INSL6: variants seen among roughly 807,000 people sequenced by gnomAD.
INSL6 encodes the protein insulin like 6, also known as insulin-like peptide INSL6.
In INSL6, 16 loss-of-function variants were observed where a neutral mutation model predicts 9.4. That is an observed-to-expected ratio of 1.70 (90% CI 1.15 to 2.59). INSL6 has a LOEUF of 2.59. Among genes scored for constraint, INSL6 ranks in the 30% most tolerant of loss-of-function variants. INSL6 has a pLI of 0.00. For synonymous variants in INSL6, 154 were observed against 96.9 expected (o/e 1.59, Z -3.46); for missense variants, 391 against 257.3 (o/e 1.52, Z -3.56).
chr9:5,178,298 C>T (rs76277440), intron 1 of INSL6, among the ~76,000 whole-genome samples: 11,873 of 152,166 alleles, frequency 0.078, 1,549 homozygotes, highest in African/African-American at 0.27. Flanking sequence ...GACTGAGCTC[C>T]TAGGGAGGAG....
the INSL6 span, chr9:5,085,516 C>T: frequency 4.2e-6 from 3 of 718,002 alleles, no homozygotes; most frequent in Admixed American, 1.8e-5. Context: ...AAGAAATTCA[C>T]CACACACCAA....
At chr9:5,063,231 T>C in the INSL6 span, among the ~76,000 whole-genome samples, 1 of 152,230 alleles carries the variant, frequency 6.6e-6, no homozygotes, top group African/African-American at 2.4e-5. Flanking sequence ...GAGTTAATTA[T>C]TGCTTTATGA....
chr9:5,058,900 A>G, the INSL6 span, among the ~76,000 whole-genome samples: 3 of 152,270 alleles, frequency 2.0e-5, no homozygotes, highest in Admixed American at 6.5e-5. Flanking sequence ...TTGCTGAATT[A>G]TAGAAATTAT....
the INSL6 span, among the ~76,000 whole-genome samples, chr9:5,066,262 A>G: frequency 2.0e-5 from 3 of 152,140 alleles, no homozygotes; most frequent in Non-Finnish European, 2.9e-5. Context: ...GAATAATAAA[A>G]TCATGCATTC....
the INSL6 span, chr9:5,090,350 C>T: frequency 1.1e-6 from 1 of 894,832 alleles, no homozygotes; most frequent in Non-Finnish European, 1.6e-6. Context: ...TCTTAGATTT[C>T]ATATATGTTT....
chr9:5,093,291 A>C, the INSL6 span, among the ~76,000 whole-genome samples: 1 of 152,194 alleles, frequency 6.6e-6, no homozygotes, highest in African/African-American at 2.4e-5. Flanking sequence ...GTTTACCAAA[A>C]ACATCACCTC....
the INSL6 span, among the ~76,000 whole-genome samples, chr9:5,079,515 C>A: frequency 4.6e-5 from 7 of 150,968 alleles, no homozygotes; most frequent in African/African-American, 1.5e-4. Context: ...TTTTTATCTG[C>A]AAGTGGGAAT....
chr9:5,136,909 C>T (rs1824395985), intron 2 of INSL6, among the ~76,000 whole-genome samples: 1 of 152,194 alleles, frequency 6.6e-6, no homozygotes, highest in African/African-American at 2.4e-5. Context: ...AGCTGATAAG[C>T]AACTTGAGCG....
chr9:5,110,734 C>G, the INSL6 span: 3 of 363,074 alleles, frequency 8.3e-6, no homozygotes, highest in South Asian at 2.2e-5. Context: ...CTATAGTACC[C>G]GTGTTATTTT....
the INSL6 span, chr9:5,112,652 C>G: frequency 1.0e-6 from 1 of 984,176 alleles, no homozygotes; most frequent in Non-Finnish European, 1.4e-6. Context: ...CCAGACCAAA[C>G]TCCTTATCCT....
chr9:5,162,830 C>T (rs1824955691), downstream of INSL6, among the ~76,000 whole-genome samples: 1 of 152,150 alleles, frequency 6.6e-6, no homozygotes, highest in African/African-American at 2.4e-5. Flanking sequence ...TTATAGTATA[C>T]ATTTCAGAAA....
chr9:5,108,979 G>A, the INSL6 span: 4 of 152,158 alleles, frequency 2.6e-5, no homozygotes, highest in Middle Eastern at 3.4e-3. Flanking sequence ...TCCTCCCACT[G>A]ATATAGCCTC....
chr9:4,999,493 T>G, the INSL6 span, among the ~76,000 whole-genome samples: 1,223 of 152,310 alleles, frequency 8.0e-3, 8 homozygotes, highest in Non-Finnish European at 0.012. Context: ...TGACAGAACT[T>G]GCTTAACATA....
intron 2 of INSL6, among the ~76,000 whole-genome samples, chr9:5,136,414 T>C (rs1292561705): frequency 6.6e-6 from 1 of 152,168 alleles, no homozygotes; most frequent in East Asian, 1.9e-4. Context: ...TCAAAAAGCT[T>C]ATCCACCATG....
intron 2 of INSL6, among the ~76,000 whole-genome samples, chr9:5,133,787 T>C (rs1824336295): frequency 6.6e-6 from 1 of 151,910 alleles, no homozygotes; most frequent in Non-Finnish European, 1.5e-5. Flanking sequence ...ATGCCTCTTT[T>C]CCTCCAAAGG....
chr9:5,095,853 T>C, the INSL6 span, among the ~76,000 whole-genome samples: 1 of 152,216 alleles, frequency 6.6e-6, no homozygotes, highest in East Asian at 1.9e-4. Flanking sequence ...TTTACCTTAT[T>C]TTAACAACTA....
the INSL6 span, among the ~76,000 whole-genome samples, chr9:5,029,034 C>T: frequency 6.6e-6 from 1 of 152,220 alleles, no homozygotes; most frequent in Non-Finnish European, 1.5e-5. Flanking sequence ...TGCAGGAGGC[C>T]TGGCTTTTAG....
the INSL6 span, chr9:5,110,932 A>C: frequency 3.5e-6 from 2 of 578,996 alleles, no homozygotes; most frequent in Non-Finnish European, 3.3e-6. Context: ...GCCGCAGAGG[A>C]TGGCATCCGT....
rs777956205 is a variant in INSL6 at position 5,185,616 on chromosome 9, G to T, written c.-14C>A. On this transcript the variant is annotated 5_prime_UTR_variant, in exon 1 of 2. It adds an upstream start codon to the 5' untranslated region. Coordinates refer to ENST00000381641, the MANE Select transcript of INSL6 (RefSeq NM_007179.3). ...GAGCCGCGGCATCCCTGTGACCCCA[G>T]GCTAGTCCTCCGCGTTGTGCAATGG... is the stretch of plus-strand genomic sequence containing the variant. 5.0e-6 allele frequency: 8 copies of T among 1,606,928 alleles called. No individual in the cohort carries two copies. Among genetic ancestry groups the T allele is most frequent in the East Asian group, 2.2e-5 (1 of 44,686 alleles).
Sources: allele counts gnomAD v4.1 joint callset (sites outside exome capture counted in the v4.1 genomes callset), GRCh38; gene constraint gnomAD v4.1.1; transcripts MANE v1.5; gene names NCBI Gene and HGNC (gene_info 2026-07-23, HGNC 2026-07-21).